The following DOCK9 variants were observed in gnomAD, a reference collection of about 807,000 sequenced individuals.
DOCK9 encodes the protein dedicator of cytokinesis 9, also known as dedicator of cytokinesis protein 9.
A neutral mutation model predicts 263.3 loss-of-function variants in DOCK9; 89 were observed. That is an observed-to-expected ratio of 0.34 (90% CI 0.28 to 0.40). The LOEUF (loss-of-function observed/expected upper bound fraction) is 0.40, where lower values mean the gene tolerates loss of function less well. Among genes scored for constraint, DOCK9 ranks in the 10% least tolerant of loss-of-function variants. The pLI is 1.00. For missense variants in DOCK9, 2,140 were observed against 2,603.4 expected, an observed-to-expected ratio of 0.82 and a Z score of 3.87; for synonymous variants, 976 against 973.1, an observed-to-expected ratio of 1.00 and a Z score of -0.06.
chr13:99,069,263 CCTT>C (rs2041566563), intron 1 of DOCK9, among the ~76,000 whole-genome samples: 1 of 152,134 alleles, frequency 6.6e-6, no homozygotes, highest in African/African-American at 2.4e-5. Flanking sequence ...ACTACTGAGA[CCTT>C]TTTTAGATTA....
At chr13:98,919,203 A>G (rs1221326638) in intron 7 of DOCK9, among the ~76,000 whole-genome samples, 2 of 151,340 alleles carry the variant, frequency 1.3e-5, no homozygotes, top group African/African-American at 4.9e-5. Context: ...TCCGCCTCCC[A>G]GGTTCAAGTG....
chr13:98,853,089 AT>A (rs892166979), intron 35 of DOCK9, among the ~76,000 whole-genome samples: 1 of 152,202 alleles, frequency 6.6e-6, no homozygotes, highest in African/African-American at 2.4e-5. Flanking sequence ...AAGCTATTTT[AT>A]TTATGTGCTT....
chr13:99,045,003 G>T (rs1206484604), intron 1 of DOCK9, among the ~76,000 whole-genome samples: 1 of 152,206 alleles, frequency 6.6e-6, no homozygotes, highest in South Asian at 2.1e-4. Flanking sequence ...CCTTCTTCAA[G>T]AGATGTCTCA....
rs2048295191 is a variant in DOCK9, at chr13:98,901,663, T to A, written c.1503+115A>T. ...GTAAATACAGGTAGCATATTCTACA[T>A]CTTTTAGAGTATAAATATGGCTTAT... On this transcript the variant is annotated intron_variant, in intron 13 of 52. Coordinates refer to ENST00000682017, the MANE Select transcript of DOCK9 (RefSeq NM_001366683.2). 2.5e-6 allele frequency: 3 copies of A among 1,212,532 alleles called. No individual in the cohort carries two copies. In the South Asian group the frequency reaches 5.7e-5, roughly 23 times the overall value. The allele number at this position is 1,212,532 out of a possible 1,614,324, so 75.1% of individuals were successfully genotyped here.
intron 45 of DOCK9, among the ~76,000 whole-genome samples, chr13:98,822,939 C>A (rs1406554446): frequency 6.6e-6 from 1 of 151,870 alleles, no homozygotes; most frequent in Non-Finnish European, 1.5e-5. Flanking sequence ...TTTTTGAGCT[C>A]AAGACCCCTT....
chr13:99,043,279 G>C (rs773558236), intron 1 of DOCK9, among the ~76,000 whole-genome samples: 10 of 152,238 alleles, frequency 6.6e-5, no homozygotes, highest in Non-Finnish European at 1.2e-4. Context: ...GATATCATCA[G>C]TCTATTCCTT....
chr13:99,030,579 T>C (rs557619072), intron 1 of DOCK9, among the ~76,000 whole-genome samples: 1 of 152,306 alleles, frequency 6.6e-6, no homozygotes, highest in African/African-American at 2.4e-5. Context: ...AAGAGAAAGA[T>C]AACATTTTTA....
intron 1 of DOCK9, among the ~76,000 whole-genome samples, chr13:98,969,492 A>G (rs1312845376): frequency 6.6e-6 from 1 of 151,790 alleles, no homozygotes; most frequent in Non-Finnish European, 1.5e-5. Context: ...ACATTATATC[A>G]GACATCGAAT....
intron 1 of DOCK9, among the ~76,000 whole-genome samples, chr13:99,043,360 G>C (rs7139726): frequency 0.22 from 33,831 of 152,174 alleles, 3,764 homozygotes; most frequent in Middle Eastern, 0.3. Context: ...GCTGTAGGCT[G>C]CCTGAAGCCT....
At chr13:99,012,880 G>A (rs571523063) in intron 1 of DOCK9, among the ~76,000 whole-genome samples, 113 of 152,222 alleles carry the variant, frequency 7.4e-4, no homozygotes, top group Admixed American at 1.8e-3. Context: ...GCCAGTTACT[G>A]TTTGGGGAAA....
intron 1 of DOCK9, among the ~76,000 whole-genome samples, chr13:99,060,109 T>C (rs1327766005): frequency 7.2e-6 from 1 of 138,038 alleles, no homozygotes; most frequent in African/African-American, 2.7e-5. Flanking sequence ...AGTCTTACTC[T>C]GTCTCCCAGG....
intron 15 of DOCK9, among the ~76,000 whole-genome samples, chr13:98,893,939 A>G (rs1258467549): frequency 6.6e-6 from 1 of 152,078 alleles, no homozygotes; most frequent in Non-Finnish European, 1.5e-5. Context: ...CTGGGTCTCT[A>G]ACTGGCCACC....
In DOCK9 at chr13:98,831,356, G is replaced by T. The variant is rs2092755747; in HGVS notation, c.4627C>A (p.His1543Asn). The change falls in exon 41 of 53, where the codon CAT becomes AAT. Residue 1543 changes from histidine (H) to asparagine (N), a missense_variant. Physicochemically the swap from His to Asn is moderately conservative, Grantham distance 68. Around this residue, in one of 2 missense-constraint regions of DOCK9, gnomAD observed 619 missense variants for 861.8 expected, o/e 0.72. Coordinates refer to ENST00000682017, the MANE Select transcript of DOCK9 (RefSeq NM_001366683.2). ...YTGKKSFVRT[H>N]LQVIISVSQL... ...AGCTAAACCACACGCACTTGCAAAT[G>T]TGTCCGGACAAAGGACTTCTTTCCA... 6.2e-7 allele frequency: 1 copy of T among 1,602,932 alleles called. No homozygotes were observed. Among genetic ancestry groups the T allele is most frequent in the Non-Finnish European group, 8.5e-7 (1 of 1,174,362 alleles).
chr13:98,826,200 GC>G (rs1196862920), intron 44 of DOCK9, among the ~76,000 whole-genome samples: 1 of 152,152 alleles, frequency 6.6e-6, no homozygotes, highest in Non-Finnish European at 1.5e-5. Context: ...CAGACTACCA[GC>G]TTTTCTAAGA....
At chr13:99,027,538 G>A (rs963068776) in intron 1 of DOCK9, among the ~76,000 whole-genome samples, 2 of 152,076 alleles carry the variant, frequency 1.3e-5, no homozygotes, top group African/African-American at 2.4e-5. Flanking sequence ...GGAACCGCAA[G>A]GTCAAATGTC....
chr13:98,819,256 G>A (rs1017250251), intron 45 of DOCK9, among the ~76,000 whole-genome samples: 1 of 152,208 alleles, frequency 6.6e-6, no homozygotes, highest in Admixed American at 6.5e-5. Context: ...GAAAGCTTGA[G>A]GATTCTTGCA....
intron 1 of DOCK9, among the ~76,000 whole-genome samples, chr13:98,957,392 A>C (rs138733965): frequency 2.9e-4 from 44 of 152,334 alleles, no homozygotes; most frequent in African/African-American, 1.0e-3. Flanking sequence ...ACACTCTACA[A>C]AGATGTTTTG....
chr13:98,809,174 G>C (rs770794491), intron 47 of DOCK9, 178 bp downstream of exon 47: 15 of 1,462,404 alleles, frequency 1.0e-5, no homozygotes, highest in Non-Finnish European at 1.4e-5. Flanking sequence ...AAAAAAAGCA[G>C]AAAGTTTACT....
At chr13:98,934,436 T>G (rs1347646929) in intron 2 of DOCK9, among the ~76,000 whole-genome samples, 4 of 152,192 alleles carry the variant, frequency 2.6e-5, no homozygotes, top group Non-Finnish European at 5.9e-5. Flanking sequence ...CTACAGACAG[T>G]GTAAAACAGA....
Sources: gnomAD v4.1 joint callset for allele counts (sites outside exome capture counted in the v4.1 genomes callset) on GRCh38, gnomAD v4.1.1 for gene constraint, gnomAD v4.1.1 regional missense constraint, MANE v1.5 for transcripts, NCBI Gene and HGNC (gene_info 2026-07-23, HGNC 2026-07-21) for gene names.